Variants in RIMS2 observed in about 807,000 individuals in gnomAD.
The protein encoded by RIMS2 is regulating synaptic membrane exocytosis protein 2.
A neutral mutation model predicts 174.4 loss-of-function variants in RIMS2; 59 were observed. That is an observed-to-expected ratio of 0.34 (90% confidence interval 0.27 to 0.42). RIMS2 has a LOEUF of 0.42. Among genes scored for constraint, RIMS2 ranks in the 10% least tolerant of loss-of-function variants. RIMS2 has a pLI of 1.00. For synonymous variants in RIMS2, 606 were observed against 572.5 expected (o/e 1.06, Z -0.84); for missense variants, 1,620 against 1,666.3 (o/e 0.97, Z 0.48).
At chr8:103,623,972 C>A (rs1459682410) in intron 1 of RIMS2, among the ~76,000 whole-genome samples, 2 of 152,026 alleles carry the variant, frequency 1.3e-5, no homozygotes, top group African/African-American at 2.4e-5. Flanking sequence ...AAAAAATGGT[C>A]AATTAAATCC....
chr8:104,158,143 C>T (rs1459763517), intron 19 of RIMS2, among the ~76,000 whole-genome samples: 3 of 152,088 alleles, frequency 2.0e-5, no homozygotes, highest in Admixed American at 2.0e-4. Flanking sequence ...TGAGAACATG[C>T]AGTATTTGGT....
At chr8:103,967,193 T>TTTTTTTTTG (rs2092117200) in intron 15 of RIMS2, among the ~76,000 whole-genome samples, 2 of 135,378 alleles carry the variant, frequency 1.5e-5, no homozygotes, top group African/African-American at 5.8e-5. Context: ...TTTTTTTTTT[T>TTTTTTTTTG]TTTTTTTGAG....
chr8:103,600,356 G>A (rs2094673599), intron 1 of RIMS2, among the ~76,000 whole-genome samples: 1 of 152,110 alleles, frequency 6.6e-6, no homozygotes. Context: ...TGTAACCTCT[G>A]CCTCCTGGGT....
intron 1 of RIMS2, among the ~76,000 whole-genome samples, chr8:103,673,621 G>C (rs2096773208): frequency 6.6e-6 from 1 of 152,196 alleles, no homozygotes; most frequent in African/African-American, 2.4e-5. Context: ...CAGGTGCCAT[G>C]TCTTGAGGTG....
chr8:103,725,354 C>G (rs1412962837), intron 2 of RIMS2, among the ~76,000 whole-genome samples: 1 of 152,116 alleles, frequency 6.6e-6, no homozygotes, highest in African/African-American at 2.4e-5. Flanking sequence ...TTTCCATCAT[C>G]CTAGGAAGTT....
chr8:104,242,885 CT>C (rs1007321157), intron 19 of RIMS2, among the ~76,000 whole-genome samples: 10 of 151,454 alleles, frequency 6.6e-5, no homozygotes, highest in East Asian at 3.9e-4. Context: ...TGTTAAAGTA[CT>C]TTTTTTTTCC....
chr8:103,830,283 T>C (rs1307951914), intron 3 of RIMS2, among the ~76,000 whole-genome samples: 1 of 152,192 alleles, frequency 6.6e-6, no homozygotes, highest in African/African-American at 2.4e-5. Context: ...TAATTTCCTC[T>C]TCTTTTTAAA....
intron 14 of RIMS2, among the ~76,000 whole-genome samples, chr8:103,945,792 G>A (rs2083590760): frequency 6.7e-6 from 1 of 150,192 alleles, no homozygotes; most frequent in African/African-American, 2.4e-5. Context: ...GAACACAGTA[G>A]GCCTAGAAGA....
intron 19 of RIMS2, among the ~76,000 whole-genome samples, chr8:104,226,542 C>T (rs1336291010): frequency 6.6e-5 from 10 of 152,160 alleles, no homozygotes; most frequent in Non-Finnish European, 7.4e-5. Flanking sequence ...TAGATGTGCT[C>T]CTTTCCCTCT....
At chr8:103,904,601 C>A (rs575889237) in intron 4 of RIMS2, among the ~76,000 whole-genome samples, 152 of 152,080 alleles carry the variant, frequency 1.0e-3, no homozygotes, top group Middle Eastern at 6.8e-3. Context: ...CACTGATTTT[C>A]AAATATTCAA....
intron 3 of RIMS2, among the ~76,000 whole-genome samples, chr8:103,807,040 A>G (rs898556126): frequency 1.3e-5 from 2 of 152,112 alleles, no homozygotes; most frequent in Non-Finnish European, 2.9e-5. Context: ...TTTTAGGGGA[A>G]GATAAGGGCA....
At chr8:104,023,107 TG>T (rs1230170397) in intron 19 of RIMS2, among the ~76,000 whole-genome samples, 4 of 152,328 alleles carry the variant, frequency 2.6e-5, no homozygotes, top group Admixed American at 6.5e-5. Flanking sequence ...GGGAGGACAT[TG>T]TTTTTTTAAT....
At chr8:103,501,106 G>T in intron 1 of RIMS2, 44 bp downstream of exon 1, 1 of 1,449,624 alleles carries the variant, frequency 6.9e-7, no homozygotes, top group Non-Finnish European at 9.3e-7. Flanking sequence ...CCTGCCCTCC[G>T]CCCCCTCGCC....
intron 19 of RIMS2, among the ~76,000 whole-genome samples, chr8:104,194,564 A>C (rs781297294): frequency 1.8e-4 from 28 of 152,206 alleles, no homozygotes; most frequent in Non-Finnish European, 3.2e-4. Context: ...TCAATTGGAT[A>C]TATTCAGTCA....
chr8:103,747,016 T>A (rs1415693198), intron 2 of RIMS2, among the ~76,000 whole-genome samples: 1 of 152,098 alleles, frequency 6.6e-6, no homozygotes, highest in East Asian at 1.9e-4. Context: ...TGTGTTAGTT[T>A]GCTAAGGATA....
At chr8:104,207,844 T>C (rs913897434) in intron 19 of RIMS2, among the ~76,000 whole-genome samples, 2 of 149,390 alleles carry the variant, frequency 1.3e-5, no homozygotes, top group African/African-American at 4.9e-5. Context: ...ATATAATATA[T>C]ATTATATATA....
intron 15 of RIMS2, 34 bp from the exon 18 acceptor site, chr8:103,975,316 A>C (rs756032850): frequency 4.6e-6 from 7 of 1,521,574 alleles, no homozygotes; most frequent in South Asian, 2.3e-5. Context: ...TTGTACATAC[A>C]TAACTATAAT....
chr8:103,717,239 C>T lies in RIMS2; in HGVS notation c.387+19943C>T, dbSNP rs767947756. ...GGATGATGTAGATGGTGGCAAATATCGAATGTGGGTTCAGAATAAAATCTC... is the reference window on the plus strand; with the variant it reads ...GGATGATGTAGATGGTGGCAAATATTGAATGTGGGTTCAGAATAAAATCTC... On this transcript the variant is annotated intron_variant, in intron 2 of 23. Transcript: ENST00000504942. Among the ~76,000 whole-genome samples the T allele has an allele frequency of 1.4e-3, 199 of 138,830 alleles. 2 individuals carry two copies. The highest frequency in any genetic ancestry group is 1.5e-4 in the Non-Finnish European group (10 of 66,004). 91.1% of individuals were successfully genotyped at this position (138,830 alleles called of 152,430 possible).
At chr8:103,587,376 T>C (rs546311860) in intron 1 of RIMS2, among the ~76,000 whole-genome samples, 2 of 140,602 alleles carry the variant, frequency 1.4e-5, no homozygotes, top group East Asian at 4.3e-4. Context: ...ATTACCCTGA[T>C]ACCAAAACCA....
Sources: allele counts gnomAD v4.1 joint callset (sites outside exome capture counted in the v4.1 genomes callset), GRCh38; gene constraint gnomAD v4.1.1; transcripts MANE v1.5; gene names NCBI Gene and HGNC (gene_info 2026-07-23, HGNC 2026-07-21).